The following LRP1B variants were observed in gnomAD, a reference collection of about 807,000 sequenced individuals.
LRP1B encodes low-density lipoprotein receptor-related protein 1B.
Under a neutral mutation model 556.6 loss-of-function variants are expected in LRP1B, and 217 were observed. That is an observed-to-expected ratio of 0.39 (90% CI 0.35 to 0.44). The LOEUF is 0.44. Among genes scored for constraint, LRP1B ranks in the 20% least tolerant of loss-of-function variants. The probability of loss-of-function intolerance (pLI) is 1.00; values close to 1 mark genes in which losing one functional copy is unlikely to be tolerated. For missense variants in LRP1B, 5,053 were observed against 5,620.8 expected (o/e 0.90, Z 3.23); for synonymous variants, 2,047 against 1,865.8 (o/e 1.10, Z -2.50).
intron 1 of LRP1B, among the ~76,000 whole-genome samples, chr2:142,112,395 G>A (rs1707032933): frequency 6.6e-6 from 1 of 151,886 alleles, no homozygotes; most frequent in Non-Finnish European, 1.5e-5. Flanking sequence ...CAAATATAAT[G>A]TGTGATCCAT....
intron 2 of LRP1B, among the ~76,000 whole-genome samples, chr2:141,768,379 T>C (rs964221905): frequency 6.6e-6 from 1 of 152,204 alleles, no homozygotes; most frequent in South Asian, 2.1e-4. Flanking sequence ...TATTAATTAC[T>C]GACATATGCA....
intron 2 of LRP1B, among the ~76,000 whole-genome samples, chr2:141,499,604 A>T (rs577191594): frequency 6.6e-6 from 1 of 152,154 alleles, no homozygotes; most frequent in East Asian, 1.9e-4. Flanking sequence ...TGTCATAATC[A>T]TCAGTTATTT....
chr2:140,365,692 A>G (rs2105154573), intron 71 of LRP1B, among the ~76,000 whole-genome samples: 1 of 151,788 alleles, frequency 6.6e-6, no homozygotes, highest in South Asian at 2.1e-4. Context: ...GAAACAACAT[A>G]GATATCACAG....
chr2:141,284,472 A>G (rs1573753220), intron 3 of LRP1B, among the ~76,000 whole-genome samples: 1 of 152,214 alleles, frequency 6.6e-6, no homozygotes, highest in African/African-American at 2.4e-5. Context: ...GAAATAAGAA[A>G]TTTCTGAAGG....
intron 3 of LRP1B, among the ~76,000 whole-genome samples, chr2:141,433,003 CTTCT>C (rs2104987670): frequency 6.6e-6 from 1 of 151,984 alleles, no homozygotes; most frequent in Admixed American, 6.6e-5. Flanking sequence ...TGAGACTTCT[CTTCT>C]TTCTTAATAT....
At chr2:140,928,282 T>C (rs570079232) in intron 20 of LRP1B, among the ~76,000 whole-genome samples, 3 of 152,326 alleles carry the variant, frequency 2.0e-5, no homozygotes, top group Admixed American at 6.5e-5. Context: ...CAGAGTAATA[T>C]TATAGATAGT....
rs2105461529 is a variant in LRP1B at position 140,716,021 on chromosome 2, G to C, written c.5975C>G (p.Ser1992Cys). Residue 1992 changes from serine (S) to cysteine (C), a missense_variant, in exon 37 of 91, where the codon TCC becomes TGC. This residue lies in a region of LRP1B where 3,619 missense variants were observed against 3,931.9 expected (regional missense o/e 0.92). Coordinates refer to ENST00000389484, the MANE Select transcript of LRP1B (RefSeq NM_018557.3). ...AGATCTTGGTTGATCCAGGCCTTGG[G>C]AAATAATTACATAACGGAAAGAACC... is the stretch of plus-strand genomic sequence containing the variant. ...LNGSFRYVII[S>C]QGLDQPRSIA... 6.2e-7 allele frequency: 1 copy of C among 1,610,566 alleles called. No individual in the cohort carries two copies.
chr2:141,046,067 A>T (rs565866561), intron 11 of LRP1B, among the ~76,000 whole-genome samples: 1 of 152,258 alleles, frequency 6.6e-6, no homozygotes, highest in South Asian at 2.1e-4. Flanking sequence ...ATAAACCTCT[A>T]GGAGAAAAAA....
At chr2:140,835,638 A>G (rs1691872569) in intron 31 of LRP1B, among the ~76,000 whole-genome samples, 1 of 152,110 alleles carries the variant, frequency 6.6e-6, no homozygotes, top group Non-Finnish European at 1.5e-5. Flanking sequence ...CCCAGGTTCA[A>G]ATGATTCTCC....
chr2:141,421,507 C>T (rs1445844408), intron 3 of LRP1B, among the ~76,000 whole-genome samples: 3 of 133,196 alleles, frequency 2.3e-5, no homozygotes, highest in Non-Finnish European at 3.1e-5. Flanking sequence ...CCAGCCTGGG[C>T]GACAGAGCGA....
intron 2 of LRP1B, among the ~76,000 whole-genome samples, chr2:141,604,676 A>G (rs1687853487): frequency 6.6e-6 from 1 of 151,908 alleles, no homozygotes; most frequent in African/African-American, 2.4e-5. Flanking sequence ...CCTTTTTTGA[A>G]TATTCAAAAA....
chr2:141,254,039 A>G (rs992462426), intron 4 of LRP1B, among the ~76,000 whole-genome samples: 3 of 152,112 alleles, frequency 2.0e-5, no homozygotes, highest in African/African-American at 7.2e-5. Flanking sequence ...GCATTCACAA[A>G]AGCAAGAATC....
chr2:141,894,752 A>G (rs530299115), intron 1 of LRP1B, among the ~76,000 whole-genome samples: 22 of 151,942 alleles, frequency 1.4e-4, no homozygotes, highest in Non-Finnish European at 2.8e-4. Context: ...TATACCCATT[A>G]AGAAAGCCTA....
intron 2 of LRP1B, among the ~76,000 whole-genome samples, chr2:141,707,181 C>T (rs762515962): frequency 1.2e-4 from 19 of 152,008 alleles, no homozygotes; most frequent in South Asian, 2.1e-4. Context: ...GAATGTGTGA[C>T]GGTTTTGTTT....
At chr2:141,321,718 G>T (rs1315778819) in intron 3 of LRP1B, among the ~76,000 whole-genome samples, 1 of 152,034 alleles carries the variant, frequency 6.6e-6, no homozygotes, top group East Asian at 1.9e-4. Flanking sequence ...GGATATAGAT[G>T]AATAAACAGT....
intron 3 of LRP1B, among the ~76,000 whole-genome samples, chr2:141,456,024 G>A (rs1281045133): frequency 6.6e-6 from 1 of 152,150 alleles, no homozygotes; most frequent in African/African-American, 2.4e-5. Context: ...ACAGCAGGAA[G>A]CAGTGACTGG....
chr2:140,946,509 G>A (rs190559570), intron 20 of LRP1B, among the ~76,000 whole-genome samples: 2 of 152,070 alleles, frequency 1.3e-5, no homozygotes, highest in Non-Finnish European at 2.9e-5. Context: ...GCTGAGGCAT[G>A]AGAGTTGCGT....
intron 2 of LRP1B, among the ~76,000 whole-genome samples, chr2:141,499,775 T>TA (rs910603395): frequency 6.6e-6 from 1 of 152,028 alleles, no homozygotes; most frequent in Non-Finnish European, 1.5e-5. Context: ...TAATTTGAAA[T>TA]AAAAAAATAA....
At chr2:142,047,299 TG>T (rs1704294389) in intron 1 of LRP1B, among the ~76,000 whole-genome samples, 1 of 152,008 alleles carries the variant, frequency 6.6e-6, no homozygotes, top group Admixed American at 6.6e-5. Flanking sequence ...AAACTGTCTT[TG>T]CTTGTTCCCA....
Sources: gnomAD v4.1 joint callset for allele counts (sites outside exome capture counted in the v4.1 genomes callset) on GRCh38, gnomAD v4.1.1 for gene constraint, gnomAD v4.1.1 regional missense constraint, MANE v1.5 for transcripts, NCBI Gene and HGNC (gene_info 2026-07-23, HGNC 2026-07-21) for gene names.